Variants in PMS1 observed in about 807,000 individuals in gnomAD.
PMS1 encodes the protein PMS1 homolog 1, mismatch repair system component, also known as PMS1 protein homolog 1.
A neutral mutation model predicts 93.1 loss-of-function variants in PMS1; 79 were observed. That is an observed-to-expected ratio of 0.85 (90% confidence interval 0.71 to 1.02). PMS1 has a LOEUF of 1.02. Among genes scored for constraint, PMS1 ranks in the 50% least tolerant of loss-of-function variants. PMS1 has a pLI of 0.00. For missense variants in PMS1, 1,064 were observed against 1,085.3 expected, an observed-to-expected ratio of 0.98 and a Z score of 0.28; for synonymous variants, 335 against 363.4, an observed-to-expected ratio of 0.92 and a Z score of 0.89.
intron 9 of PMS1, among the ~76,000 whole-genome samples, chr2:189,859,042 A>G (rs2055670425): frequency 6.6e-6 from 1 of 152,138 alleles, no homozygotes; most frequent in Non-Finnish European, 1.5e-5. Flanking sequence ...AAATTCAGTT[A>G]GTGTTTGAAG....
intron 5 of PMS1, among the ~76,000 whole-genome samples, chr2:189,820,992 C>T (rs2051806510): frequency 6.6e-6 from 1 of 151,956 alleles, no homozygotes; most frequent in African/African-American, 2.4e-5. Context: ...GATGGAGGCT[C>T]ATCCTATTAA....
At chr2:189,874,123 AT>A (rs1161737692) in intron 12 of PMS1, among the ~76,000 whole-genome samples, 2 of 152,140 alleles carry the variant, frequency 1.3e-5, no homozygotes, top group Non-Finnish European at 2.9e-5. Context: ...AGAACACTCT[AT>A]TAAGTTTCAC....
intron 5 of PMS1, among the ~76,000 whole-genome samples, chr2:189,822,899 C>G (rs1318909488): frequency 6.6e-6 from 1 of 152,110 alleles, no homozygotes; most frequent in African/African-American, 2.4e-5. Flanking sequence ...TCCACTCTTC[C>G]TAGAGTTAAA....
intron 1 of PMS1, among the ~76,000 whole-genome samples, chr2:189,786,233 G>A (rs2048337054): frequency 1.3e-5 from 2 of 152,198 alleles, no homozygotes; most frequent in Admixed American, 6.5e-5. Flanking sequence ...TAAGAAGTTT[G>A]TACTTAACCT....
At chr2:189,793,760 T>C (rs927115782) in intron 2 of PMS1, among the ~76,000 whole-genome samples, 1 of 152,252 alleles carries the variant, frequency 6.6e-6, no homozygotes, top group Admixed American at 6.5e-5. Context: ...TCTTGACATT[T>C]ACCAGTATTT....
intron 5 of PMS1, among the ~76,000 whole-genome samples, chr2:189,828,303 T>C (rs928763880): frequency 3.3e-5 from 5 of 152,144 alleles, no homozygotes; most frequent in Non-Finnish European, 5.9e-5. Flanking sequence ...TTTCAAGATA[T>C]CTAGAAGAGC....
chr2:189,803,669 A>C (rs2050087158), intron 3 of PMS1, among the ~76,000 whole-genome samples: 1 of 152,212 alleles, frequency 6.6e-6, no homozygotes, highest in African/African-American at 2.4e-5. Context: ...TGCTCCAGAC[A>C]CAGGGTCATA....
In PMS1 at chr2:189,784,513, G is replaced by GGTGCGT. The variant is rs1262945865; in HGVS notation, c.-100_-99insTGCGTG. On this transcript the variant is annotated 5_prime_UTR_variant, in exon 1 of 13. Transcript: ENST00000441310. ...CGTGCTGGGTGCGGGTGCGGGTGCG[G>GGTGCGT]GGTTGGGCCTGCGCATCGGGTGAGA... 6.5e-6 allele frequency: 1 copy of GGTGCGT among 152,908 alleles called. No individual in the cohort carries two copies. The highest frequency in any genetic ancestry group is 1.5e-5 in the Non-Finnish European group (1 of 68,562). The allele number at this position is 152,908 out of a possible 1,614,324, so 9.5% of individuals were successfully genotyped here. A position where few individuals can be genotyped will look rare whatever the true frequency, so the allele number is the denominator to read the frequency against.
chr2:189,855,569 A>G (rs1453528968), intron 9 of PMS1, among the ~76,000 whole-genome samples: 2 of 151,912 alleles, frequency 1.3e-5, no homozygotes, highest in Non-Finnish European at 2.9e-5. Flanking sequence ...TCTCCAAAAT[A>G]TGTAATACAA....
At chr2:189,871,269 G>C (rs980840586) in intron 11 of PMS1, among the ~76,000 whole-genome samples, 1 of 151,830 alleles carries the variant, frequency 6.6e-6, no homozygotes, top group East Asian at 1.9e-4. Context: ...AGTTGTCTTG[G>C]GCCACACATA....
chr2:189,829,472 C>T lies in PMS1; in HGVS notation c.582+11292C>T, dbSNP rs117306654. ...TGCCCCCTGGTGTCCTTGGTTCTCT[C>T]CTTACCCTGCTTAAATTTTGTGGTC... On this transcript the variant is annotated intron_variant, in intron 5 of 12. Coordinates refer to ENST00000441310, the MANE Select transcript of PMS1 (RefSeq NM_000534.5). 2.0e-4 allele frequency among the ~76,000 whole-genome samples: 31 copies of T among 152,252 alleles called. No individual in the cohort carries two copies. The East Asian group carries it at 5.6e-3, about 27-fold the overall frequency.
At chr2:189,818,989 A>G (rs553549955) in intron 5 of PMS1, among the ~76,000 whole-genome samples, 9 of 152,314 alleles carry the variant, frequency 5.9e-5, no homozygotes, top group African/African-American at 1.9e-4. Flanking sequence ...CTTTTAGTAT[A>G]TCCATCACCA....
At chr2:189,784,746 C>T (rs1367679285) in intron 1 of PMS1, 153 bp downstream of exon 1, 5 of 152,780 alleles carry the variant, frequency 3.3e-5, no homozygotes, top group Non-Finnish European at 7.3e-5. Flanking sequence ...CGGGCGCGCA[C>T]ACGTGGAACG....
chr2:189,814,261 G>A (rs550175415), intron 4 of PMS1, among the ~76,000 whole-genome samples: 1 of 152,068 alleles, frequency 6.6e-6, no homozygotes, highest in South Asian at 2.1e-4. Context: ...TGGAAGTGAT[G>A]TATGCAGGTA....
intron 1 of PMS1, among the ~76,000 whole-genome samples, chr2:189,789,802 GC>G (rs1023105875): frequency 6.6e-6 from 1 of 151,962 alleles, no homozygotes; most frequent in African/African-American, 2.4e-5. Flanking sequence ...TCCACCCCCA[GC>G]CCCCATTTTT....
At chr2:189,837,915 A>G (rs1448679544) in intron 5 of PMS1, among the ~76,000 whole-genome samples, 1 of 152,222 alleles carries the variant, frequency 6.6e-6, no homozygotes, top group African/African-American at 2.4e-5. Flanking sequence ...AAAGAATCCA[A>G]TCAAAGACCA....
At chr2:189,835,850 C>T (rs936221970) in intron 5 of PMS1, among the ~76,000 whole-genome samples, 17 of 147,484 alleles carry the variant, frequency 1.2e-4, no homozygotes, top group Admixed American at 3.5e-4. Context: ...ATCCTTGAGT[C>T]CAGGAGGCTG....
chr2:189,796,782 C>G lies in PMS1; in HGVS notation c.315+831C>G, dbSNP rs947974743. Among the ~76,000 whole-genome samples the G allele has an allele frequency of 3.3e-5, 5 of 152,216 alleles. No homozygotes were observed. In the South Asian group the frequency reaches 1.0e-3, roughly 32 times the overall value. ...ATCTGTTCATTTTCATCGGTGGACA[C>G]CTGGGTTACTTTCACCCACCTTTGG... On this transcript the variant is annotated intron_variant, in intron 3 of 12. Transcript: ENST00000441310.
chr2:189,813,723 C>T (rs1229947206), intron 4 of PMS1, among the ~76,000 whole-genome samples: 2 of 151,996 alleles, frequency 1.3e-5, no homozygotes, highest in Non-Finnish European at 2.9e-5. Context: ...ATTGATGGCA[C>T]CAGAAGAAAT....
Sources: allele counts gnomAD v4.1 joint callset (sites outside exome capture counted in the v4.1 genomes callset), GRCh38; gene constraint gnomAD v4.1.1; transcripts MANE v1.5; gene names NCBI Gene and HGNC (gene_info 2026-07-23, HGNC 2026-07-21).